Variants in KIAA1217 observed in about 807,000 individuals in gnomAD.
The protein encoded by KIAA1217 is KIAA1217.
Under a neutral mutation model 163.9 loss-of-function variants are expected in KIAA1217, and 88 were observed. The observed-to-expected ratio is 0.54, with a 90% CI of 0.45 to 0.64. KIAA1217 has a LOEUF of 0.64. KIAA1217 is among the 30% of genes least tolerant of loss of function. The pLI is 0.00. For missense variants in KIAA1217, 2,372 were observed against 2,475.0 expected (o/e 0.96, Z 0.88); for synonymous variants, 903 against 923.1 (o/e 0.98, Z 0.39).
chr10:24,218,385 C>T (rs1589985859), intron 1 of KIAA1217, among the ~76,000 whole-genome samples: 1 of 152,124 alleles, frequency 6.6e-6, no homozygotes, highest in South Asian at 2.1e-4. Flanking sequence ...TAGGTCCAGG[C>T]TATCAGGATG....
chr10:24,452,044 G>T (rs2061411924), intron 5 of KIAA1217, among the ~76,000 whole-genome samples: 1 of 152,178 alleles, frequency 6.6e-6, no homozygotes, highest in African/African-American at 2.4e-5. Context: ...TTTCTCAAAT[G>T]AGCATGTGTT....
chr10:24,194,349 A>ACTCCCCTACCCCACCC (rs2066883181), intron 2 of KIAA1217, among the ~76,000 whole-genome samples: 1 of 18,842 alleles, frequency 5.3e-5, no homozygotes, highest in African/African-American at 2.2e-4. Context: ...CCACCCCACC[A>ACTCCCCTACCCCACCC]CTCCCCTTCC....
intron 2 of KIAA1217, among the ~76,000 whole-genome samples, chr10:24,028,465 T>G (rs1320197487): frequency 6.6e-6 from 1 of 152,148 alleles, no homozygotes; most frequent in African/African-American, 2.4e-5. Flanking sequence ...CTTGATAACA[T>G]TTATGTCGAC....
intron 8 of KIAA1217, among the ~76,000 whole-genome samples, chr10:24,498,177 C>T (rs2067061493): frequency 6.6e-6 from 1 of 151,952 alleles, no homozygotes; most frequent in South Asian, 2.1e-4. Flanking sequence ...GAAGTGGCCT[C>T]CCTAGAAAGT....
chr10:24,520,627 CA>C (rs71472812), intron 11 of KIAA1217, among the ~76,000 whole-genome samples: 50 of 44,916 alleles, frequency 1.1e-3, no homozygotes, highest in South Asian at 3.0e-3. Flanking sequence ...ACATCTCTAC[CA>C]AAAAAAAAAA....
At chr10:24,436,560 C>T (rs184360700) in intron 4 of KIAA1217, among the ~76,000 whole-genome samples, 1 of 151,244 alleles carries the variant, frequency 6.6e-6, no homozygotes, top group South Asian at 2.1e-4. Context: ...AGATCGAGAC[C>T]ATCCTGGTTA....
At chr10:23,883,283 C>T (rs1014977899) in intron 1 of KIAA1217, among the ~76,000 whole-genome samples, 2 of 151,868 alleles carry the variant, frequency 1.3e-5, no homozygotes, top group Non-Finnish European at 2.9e-5. Context: ...AAAGGAAAGG[C>T]ATGAGACTAG....
chr10:24,370,047 C>T (rs61708699), intron 2 of KIAA1217, among the ~76,000 whole-genome samples: 18,553 of 152,040 alleles, frequency 0.12, 1,291 homozygotes, highest in South Asian at 0.29. Context: ...AGGTAGATCA[C>T]GAGGTCAGGA....
At chr10:23,812,482 T>C (rs1416591996) in intron 1 of KIAA1217, among the ~76,000 whole-genome samples, 1 of 143,314 alleles carries the variant, frequency 7.0e-6, no homozygotes, top group Non-Finnish European at 1.6e-5. Flanking sequence ...CTAATTATTA[T>C]TGTTTCTTTT....
chr10:23,870,200 G>T (rs532341681), intron 1 of KIAA1217, among the ~76,000 whole-genome samples: 2 of 152,206 alleles, frequency 1.3e-5, no homozygotes, highest in South Asian at 4.1e-4. Flanking sequence ...GCAGGAACAC[G>T]TGAGGATTTT....
intron 1 of KIAA1217, among the ~76,000 whole-genome samples, chr10:23,983,342 A>G (rs1845845955): frequency 6.6e-6 from 1 of 152,172 alleles, no homozygotes; most frequent in South Asian, 2.1e-4. Flanking sequence ...TGGGTAATTT[A>G]TCAAGAAAAG....
At chr10:23,757,242 G>A (rs1022342519) in intron 1 of KIAA1217, among the ~76,000 whole-genome samples, 4 of 152,052 alleles carry the variant, frequency 2.6e-5, no homozygotes, top group African/African-American at 9.7e-5. Flanking sequence ...TACTCAGTAG[G>A]AAAATTGCTG....
chr10:24,325,782 T>C (rs1184312271), intron 2 of KIAA1217, among the ~76,000 whole-genome samples: 1 of 152,164 alleles, frequency 6.6e-6, no homozygotes, highest in Non-Finnish European at 1.5e-5. Context: ...GAAATGTACA[T>C]ACATTTCAGA....
chr10:24,157,852 G>C, intron 2 of KIAA1217: 1 of 537,768 alleles, frequency 1.9e-6, no homozygotes, highest in Non-Finnish European at 3.4e-6. Context: ...CCTTTGCCAT[G>C]GAACTCCAGG....
chr10:24,499,358 T>C (rs905157860), intron 8 of KIAA1217, among the ~76,000 whole-genome samples: 1 of 152,214 alleles, frequency 6.6e-6, no homozygotes, highest in Non-Finnish European at 1.5e-5. Flanking sequence ...CTTTCGAGGA[T>C]GATTTTGATT....
chr10:24,004,281 G>A (rs1846887910), intron 1 of KIAA1217, among the ~76,000 whole-genome samples: 1 of 149,854 alleles, frequency 6.7e-6, no homozygotes, highest in Non-Finnish European at 1.5e-5. Context: ...CCGGCCGAGG[G>A]CTTTTTATTT....
chr10:23,819,159 CCTT>C (rs1453673977), intron 1 of KIAA1217, among the ~76,000 whole-genome samples: 2 of 152,214 alleles, frequency 1.3e-5, no homozygotes, highest in Non-Finnish European at 2.9e-5. Flanking sequence ...TTCACTCTCT[CCTT>C]CTTTCTTGGG....
rs143532216 is a variant in KIAA1217, at chr10:23,922,641, T to C, written c.-320-84584T>C. On this transcript the variant is annotated intron_variant, in intron 1 of 18. Transcript: ENST00000376462. ...TACAGAGAACAGGAGAACTCCTGGG[T>C]ATGGAAAATCCACACATTTGGTGTC... Among the ~76,000 whole-genome samples, 1,126 of 152,278 alleles carry C rather than the reference T, an allele frequency of 7.4e-3. 4 individuals carry two copies. The highest frequency in any genetic ancestry group is 0.01 in the Non-Finnish European group (695 of 68,008).
chr10:24,386,302 T>C (rs1292874490), intron 3 of KIAA1217, among the ~76,000 whole-genome samples: 1 of 152,168 alleles, frequency 6.6e-6, no homozygotes, highest in East Asian at 1.9e-4. Context: ...TTATTGAATA[T>C]CTGTGTGGCT....
Sources: gnomAD v4.1 joint callset for allele counts (sites outside exome capture counted in the v4.1 genomes callset) on GRCh38, gnomAD v4.1.1 for gene constraint, MANE v1.5 for transcripts, NCBI Gene and HGNC (gene_info 2026-07-23, HGNC 2026-07-21) for gene names.